The following KDM4C variants were observed in gnomAD, a reference collection of about 807,000 sequenced individuals.
The protein encoded by KDM4C is lysine demethylase 4C.
KDM4C carries 81 observed loss-of-function variants against 129.3 expected under a neutral mutation model. The ratio of observed to expected loss-of-function variants is 0.63; its 90% CI spans 0.52 to 0.75. The LOEUF is 0.75. KDM4C is among the 30% of genes least tolerant of loss of function. KDM4C has a pLI of 0.00. For missense variants in KDM4C, 1,457 were observed against 1,304.0 expected (o/e 1.12, Z -1.81); for synonymous variants, 573 against 456.1 (o/e 1.26, Z -3.26).
intron 3 of KDM4C, among the ~76,000 whole-genome samples, chr9:6,807,860 A>ACG (rs1564059341): frequency 1.6e-4 from 18 of 113,656 alleles, no homozygotes; most frequent in African/African-American, 6.1e-4. Context: ...CAGCCCCCCA[A>ACG]CCTGGCCAGC....
intron 2 of KDM4C, among the ~76,000 whole-genome samples, chr9:6,802,889 G>A (rs373496029): frequency 2.0e-5 from 3 of 152,370 alleles, no homozygotes; most frequent in Non-Finnish European, 4.4e-5. Context: ...TTACAGGAGT[G>A]AGTCACCGTG....
At chr9:7,007,951 G>A (rs186830092) in intron 12 of KDM4C, among the ~76,000 whole-genome samples, 1 of 152,208 alleles carries the variant, frequency 6.6e-6, no homozygotes, top group Non-Finnish European at 1.5e-5. Context: ...TTGTCCCCTG[G>A]CAGAAACATC....
chr9:6,942,282 A>AGTGTGTGTGTGTGTGTGTGTGTGT (rs58676459), intron 8 of KDM4C, among the ~76,000 whole-genome samples: 1 of 142,624 alleles, frequency 7.0e-6, no homozygotes, highest in Non-Finnish European at 1.5e-5. Context: ...TAGCCCTCAA[A>AGTGTGTGTGTGTGTGTGTGTGTGT]GTGTGTGTGT....
chr9:6,921,955 G>A (rs981659369), intron 8 of KDM4C, among the ~76,000 whole-genome samples: 1 of 152,046 alleles, frequency 6.6e-6, no homozygotes, highest in African/African-American at 2.4e-5. Flanking sequence ...CTGAAGTATT[G>A]TTCAAATGTC....
chr9:6,829,335 T>C (rs1301030506), intron 4 of KDM4C, among the ~76,000 whole-genome samples: 7 of 152,172 alleles, frequency 4.6e-5, no homozygotes, highest in Non-Finnish European at 8.8e-5. Flanking sequence ...GAGTTCTGGA[T>C]GATTGGCATG....
intron 4 of KDM4C, among the ~76,000 whole-genome samples, chr9:6,841,146 T>A (rs1259657054): frequency 6.6e-6 from 1 of 152,230 alleles, no homozygotes; most frequent in South Asian, 2.1e-4. Context: ...GATCTTTTTT[T>A]AATAATTGGA....
At chr9:7,162,263 A>G (rs1843880624) in intron 19 of KDM4C, among the ~76,000 whole-genome samples, 1 of 152,214 alleles carries the variant, frequency 6.6e-6, no homozygotes, top group Admixed American at 6.5e-5. Flanking sequence ...AAGATTGAGA[A>G]AGCAAACTGA....
intron 4 of KDM4C, among the ~76,000 whole-genome samples, chr9:6,846,605 A>G (rs1167483567): frequency 6.6e-6 from 1 of 152,220 alleles, no homozygotes. Flanking sequence ...AAATTATATG[A>G]CTTTTTATTT....
chr9:6,873,189 G>C (rs1588860213), intron 5 of KDM4C, among the ~76,000 whole-genome samples: 1 of 152,240 alleles, frequency 6.6e-6, no homozygotes, highest in East Asian at 1.9e-4. Flanking sequence ...TAGAGACGGG[G>C]TTTCACCATG....
intron 15 of KDM4C, among the ~76,000 whole-genome samples, chr9:7,045,662 C>G (rs1829287686): frequency 6.6e-6 from 1 of 151,906 alleles, no homozygotes; most frequent in African/African-American, 2.4e-5. Flanking sequence ...ATAATGGATT[C>G]AAATCAATAT....
At chr9:6,866,971 TTGTGTGTGTG>T (rs369963257) in intron 5 of KDM4C, among the ~76,000 whole-genome samples, 79 of 126,256 alleles carry the variant, frequency 6.3e-4, no homozygotes, top group Admixed American at 6.3e-4. Context: ...AAATATATGT[TTGTGTGTGTG>T]TGTGTGTGTG....
chr9:6,889,856 C>A (rs1291503823), intron 7 of KDM4C, among the ~76,000 whole-genome samples: 2 of 152,128 alleles, frequency 1.3e-5, no homozygotes, highest in Non-Finnish European at 2.9e-5. Flanking sequence ...AGGAGGGAGG[C>A]CTCTGGAGCT....
At chr9:6,808,549 A>C (rs1365448057) in intron 3 of KDM4C, among the ~76,000 whole-genome samples, 1 of 148,420 alleles carries the variant, frequency 6.7e-6, no homozygotes, top group Non-Finnish European at 1.5e-5. Flanking sequence ...CAGGGACACA[A>C]ACACTGCGGA....
chr9:6,893,715 G>C (rs1349062580), intron 8 of KDM4C: 1 of 152,298 alleles, frequency 6.6e-6, no homozygotes, highest in African/African-American at 2.4e-5. Context: ...ATTCTTGAAA[G>C]TAATCATGTA....
chr9:6,945,543 A>T (rs191338128), intron 8 of KDM4C, among the ~76,000 whole-genome samples: 1 of 152,202 alleles, frequency 6.6e-6, no homozygotes, highest in African/African-American at 2.4e-5. Context: ...TCATCTTTTA[A>T]GTAGGATCTA....
chr9:6,858,765 G>T (rs1390443589), intron 5 of KDM4C, among the ~76,000 whole-genome samples: 2 of 145,794 alleles, frequency 1.4e-5, no homozygotes, highest in Admixed American at 1.3e-4. Context: ...GAGTGATTTT[G>T]TCTCCCCCCC....
intron 1 of KDM4C, among the ~76,000 whole-genome samples, chr9:6,779,703 C>G (rs997722718): frequency 1.4e-4 from 22 of 152,100 alleles, no homozygotes; most frequent in Non-Finnish European, 4.4e-5. Context: ...ATATCAAATC[C>G]CTTTCTGCTT....
intron 1 of KDM4C, among the ~76,000 whole-genome samples, chr9:6,748,172 A>C (rs60458429): frequency 0.011 from 1,417 of 126,234 alleles, 7 homozygotes; most frequent in East Asian, 0.038. Context: ...TCTCAAAAAA[A>C]AAACAAACAA....
chr9:7,083,710 GAT>G (rs1564094963), intron 17 of KDM4C, among the ~76,000 whole-genome samples: 14 of 65,528 alleles, frequency 2.1e-4, no homozygotes, highest in South Asian at 1.4e-3. Flanking sequence ...GCACATGACT[GAT>G]GTGTGTGTGT....
Sources: allele counts gnomAD v4.1 joint callset (sites outside exome capture counted in the v4.1 genomes callset), GRCh38; gene constraint gnomAD v4.1.1; transcripts MANE v1.5; gene names NCBI Gene and HGNC (gene_info 2026-07-23, HGNC 2026-07-21).